Variants in STRADA observed in about 807,000 individuals in gnomAD.
The protein encoded by STRADA is STE20-related kinase adapter protein alpha.
A neutral mutation model predicts 55.0 loss-of-function variants in STRADA; 26 were observed. The ratio of observed to expected loss-of-function variants is 0.47; its 90% CI spans 0.35 to 0.66. The LOEUF (loss-of-function observed/expected upper bound fraction) is 0.66. Ranked by LOEUF, STRADA falls within the 30% of genes least tolerant of loss-of-function variation. The probability of loss-of-function intolerance (pLI) is 0.01; values close to 1 mark genes in which losing one functional copy is unlikely to be tolerated. For missense variants in STRADA, 443 were observed against 549.7 expected (o/e 0.81, Z 1.94); for synonymous variants, 197 against 210.9 (o/e 0.93, Z 0.57).
chr17:63,738,070 C>T (rs1217455302), intron 1 of STRADA, among the ~76,000 whole-genome samples: 11 of 151,622 alleles, frequency 7.3e-5, no homozygotes, highest in African/African-American at 2.2e-4. Flanking sequence ...GGGCTGGGCA[C>T]GGTGGCTCAC....
chr17:63,737,645 GT>G (rs1263469879), intron 1 of STRADA, among the ~76,000 whole-genome samples: 1 of 152,146 alleles, frequency 6.6e-6, no homozygotes, highest in Non-Finnish European at 1.5e-5. Flanking sequence ...CAAATAGAAA[GT>G]TATGTACAAT....
chr17:63,728,837 A>G (rs1039644322), intron 1 of STRADA, among the ~76,000 whole-genome samples: 13 of 150,298 alleles, frequency 8.6e-5, no homozygotes, highest in African/African-American at 3.2e-4. Context: ...GATTGCAGTG[A>G]GCCAAGATCA....
chr17:63,729,059 C>T (rs959693865), intron 1 of STRADA, among the ~76,000 whole-genome samples: 14 of 151,926 alleles, frequency 9.2e-5, no homozygotes, highest in African/African-American at 3.4e-4. Flanking sequence ...TATTTATTTA[C>T]TTCTTATAGA....
chr17:63,732,111 A>G (rs910470347), intron 1 of STRADA, among the ~76,000 whole-genome samples: 5 of 150,878 alleles, frequency 3.3e-5, no homozygotes, highest in Non-Finnish European at 5.9e-5. Flanking sequence ...CTTGTGATCC[A>G]CCCGCCTCGG....
At chr17:63,704,908 C>T in intron 10 of STRADA, 1 of 1,536,008 alleles carries the variant, frequency 6.5e-7, no homozygotes, top group Non-Finnish European at 8.7e-7. Flanking sequence ...GAGTCTTCAC[C>T]CTAGAGGGAA....
intron 8 of STRADA, chr17:63,710,223 G>C (rs2036404808): frequency 3.0e-6 from 1 of 329,734 alleles, no homozygotes; most frequent in Non-Finnish European, 5.7e-6. Context: ...ATTTTTAGTA[G>C]AGACAGGGTT....
At chr17:63,704,855 T>A (rs1312566055) in intron 10 of STRADA, 2 of 1,535,822 alleles carry the variant, frequency 1.3e-6, no homozygotes, top group African/African-American at 2.7e-5. Context: ...GGGCTCACAG[T>A]TTCCGCTCTC....
chr17:63,720,099 A>G (rs1277994689), intron 4 of STRADA, among the ~76,000 whole-genome samples: 2 of 150,802 alleles, frequency 1.3e-5, no homozygotes, highest in Non-Finnish European at 3.0e-5. Context: ...ATAGTTCACT[A>G]CAGCCTCGAA....
At chr17:63,711,020 A>G in intron 6 of STRADA, 184 bp from the exon 7 acceptor site, 1 of 591,676 alleles carries the variant, frequency 1.7e-6, no homozygotes. Context: ...CTCTGCAGGG[A>G]CCCAGCACTG....
At chr17:63,710,194 A>G (rs1430608334) in intron 8 of STRADA, among the ~76,000 whole-genome samples, 6 of 151,860 alleles carry the variant, frequency 4.0e-5, no homozygotes, top group African/African-American at 7.3e-5. Flanking sequence ...ATGTGCCACC[A>G]CACCCGGCTA....
Position 63,721,366 on chromosome 17 carries a change from C to T in STRADA, c.123+1932G>A, listed in dbSNP as rs993351368. The stretch of plus-strand genomic sequence containing the variant: ...CAGCCTGGGTGACAGAGTGAGACAC[C>T]GTCTCAAGAAAAAATAAAATAAAAA... On this transcript the variant is annotated intron_variant, in intron 4 of 12. Coordinates refer to ENST00000336174, the MANE Select transcript of STRADA (RefSeq NM_001003787.4). 6.4e-5 allele frequency among the ~76,000 whole-genome samples: 9 copies of T among 140,988 alleles called. No individual in the cohort carries two copies. The East Asian group carries it at 1.5e-3, about 23-fold the overall frequency. 92.5% of individuals were successfully genotyped at this position (140,988 alleles called of 152,430 possible).
intron 3 of STRADA, chr17:63,723,724 C>G (rs2037462812): frequency 6.2e-6 from 1 of 162,304 alleles, no homozygotes; most frequent in Admixed American, 6.4e-5. Flanking sequence ...TGGCCATTTC[C>G]CAGTGAGTGT....
intron 1 of STRADA, among the ~76,000 whole-genome samples, chr17:63,740,679 G>C (rs1267444431): frequency 6.6e-6 from 1 of 152,136 alleles, no homozygotes; most frequent in East Asian, 1.9e-4. Context: ...GAGGTTAAAT[G>C]CCCAAAGTCA....
At chr17:63,730,056 G>A (rs968523383) in intron 1 of STRADA, among the ~76,000 whole-genome samples, 2 of 151,830 alleles carry the variant, frequency 1.3e-5, no homozygotes, top group East Asian at 3.9e-4. Flanking sequence ...GGCTAGTCTC[G>A]AACTCCTGAC....
chr17:63,721,448 G>GT, intron 4 of STRADA, among the ~76,000 whole-genome samples: 1 of 151,264 alleles, frequency 6.6e-6, no homozygotes, highest in South Asian at 2.1e-4. Context: ...ACTGGGCACG[G>GT]TGGCTCACGC....
chr17:63,733,435 T>A lies in STRADA; in HGVS notation c.-44-5022A>T, dbSNP rs186271916. Among the ~76,000 whole-genome samples, 76 of 152,322 alleles carry A rather than the reference T, an allele frequency of 5.0e-4. No individual in the cohort carries two copies. The East Asian group carries it at 0.013, about 27-fold the overall frequency. On this transcript the variant is annotated intron_variant, in intron 1 of 12. Transcript: ENST00000336174. ...TCCTTTTATCTTTGCTTTTCTATTC[T>A]TGTTTATCTTATTTTTCATCTCAAG...
chr17:63,728,736 A>T (rs9916681), intron 1 of STRADA, among the ~76,000 whole-genome samples: 816 of 14,424 alleles, frequency 0.057, 121 homozygotes, highest in African/African-American at 0.24. Context: ...CCATCTCTAT[A>T]AAAAAAAAAA....
At chr17:63,708,294 G>A (rs1364728986) in intron 8 of STRADA, among the ~76,000 whole-genome samples, 1 of 151,932 alleles carries the variant, frequency 6.6e-6, no homozygotes, top group Non-Finnish European at 1.5e-5. Context: ...CTGCCTCCCA[G>A]GTTCAAGCAA....
At chr17:63,724,767 A>C (rs1242257345) in intron 3 of STRADA, among the ~76,000 whole-genome samples, 1 of 152,160 alleles carries the variant, frequency 6.6e-6, no homozygotes, top group Non-Finnish European at 1.5e-5. Context: ...GAAAATGAGA[A>C]TAGGAACAGA....
Sources: allele counts gnomAD v4.1 joint callset (sites outside exome capture counted in the v4.1 genomes callset), GRCh38; gene constraint gnomAD v4.1.1; transcripts MANE v1.5; gene names NCBI Gene and HGNC (gene_info 2026-07-23, HGNC 2026-07-21).